IKZF2: variants seen among roughly 807,000 people sequenced by gnomAD.
IKZF2 encodes IKAROS family zinc finger 2.
A neutral mutation model predicts 49.2 loss-of-function variants in IKZF2; 15 were observed. The observed-to-expected ratio is 0.30, with a 90% CI of 0.20 to 0.47. IKZF2 has a LOEUF of 0.47. Among genes scored for constraint, IKZF2 ranks in the 20% least tolerant of loss-of-function variants. IKZF2 has a pLI of 1.00. For synonymous variants in IKZF2, 227 were observed against 221.4 expected (o/e 1.03, Z -0.23); for missense variants, 567 against 664.6 (o/e 0.85, Z 1.61).
In IKZF2 at chr2:213,022,166, C is replaced by T. The variant is rs368536120; in HGVS notation, c.575-36G>A. On this transcript the variant is annotated intron_variant, in intron 6 of 8. Transcript: ENST00000434687. ...AACTCAAGGTCAGTGTGCTGTTAGT[C>T]TCATCAACATTCAAAGCAAAATCAA... 7 of 1,520,380 alleles carry T rather than the reference C, an allele frequency of 4.6e-6. No homozygotes were observed. The African/African-American group carries it at 8.4e-5, about 18-fold the overall frequency. 94.2% of individuals were successfully genotyped at this position (1,520,380 alleles called of 1,614,324 possible).
intron 4 of IKZF2, among the ~76,000 whole-genome samples, chr2:213,141,545 C>T (rs555386497): frequency 7.2e-5 from 11 of 152,072 alleles, no homozygotes; most frequent in Non-Finnish European, 1.2e-4. Flanking sequence ...ATATTGCATG[C>T]TATTTCTCAC....
At chr2:213,032,028 C>A (rs944717519) in intron 6 of IKZF2, among the ~76,000 whole-genome samples, 1 of 152,124 alleles carries the variant, frequency 6.6e-6, no homozygotes. Flanking sequence ...TATAAAGGTG[C>A]AAAAAGTTTT....
At chr2:213,124,246 GCGCGCGCACACACACACACACACACA>G (rs1233108538) in intron 4 of IKZF2, among the ~76,000 whole-genome samples, 2 of 102,484 alleles carry the variant, frequency 2.0e-5, no homozygotes, top group African/African-American at 1.0e-4. Flanking sequence ...GCGCTCGCGC[GCGCGCGCACACACACACACACACACA>G]CACACACACA....
intron 4 of IKZF2, among the ~76,000 whole-genome samples, chr2:213,117,590 T>A (rs2059917251): frequency 6.6e-6 from 1 of 152,174 alleles, no homozygotes; most frequent in Non-Finnish European, 1.5e-5. Flanking sequence ...TAACAATTAC[T>A]CTAGGTCTAC....
intron 3 of IKZF2, among the ~76,000 whole-genome samples, 188 bp from the exon 4 acceptor site, chr2:213,148,000 AT>A (rs1265021073): frequency 2.7e-5 from 4 of 145,558 alleles, no homozygotes; most frequent in Non-Finnish European, 4.7e-5. Context: ...AGAAGCCATA[AT>A]CAACCCACAA....
At chr2:213,025,874 T>C (rs1450556194) in intron 6 of IKZF2, among the ~76,000 whole-genome samples, 2 of 152,186 alleles carry the variant, frequency 1.3e-5, no homozygotes, top group African/African-American at 4.8e-5. Flanking sequence ...TGCTAAATTC[T>C]ATATACTGGA....
intron 6 of IKZF2, among the ~76,000 whole-genome samples, chr2:213,024,979 GTTA>G (rs1022696554): frequency 3.3e-5 from 5 of 151,740 alleles, no homozygotes; most frequent in African/African-American, 1.2e-4. Context: ...TTTTATAATA[GTTA>G]TTATTATTAT....
chr2:213,137,654 A>G lies in IKZF2; in HGVS notation c.139+10054T>C, dbSNP rs192970637. ...TCTACTTCAGACCATCTGAATAATAAGCATATTGGCATAAGTCTGATTAGA... is the reference window on the plus strand; with the variant it reads ...TCTACTTCAGACCATCTGAATAATAGGCATATTGGCATAAGTCTGATTAGA... On this transcript the variant is annotated intron_variant, in intron 4 of 8. Transcript: ENST00000434687. Among the ~76,000 whole-genome samples the G allele has an allele frequency of 2.6e-5, 4 of 152,274 alleles. No homozygotes were observed. The East Asian group carries it at 7.7e-4, about 29-fold the overall frequency.
At position 213,125,688 on chromosome 2, in the gene IKZF2, C is replaced by T. The variant is rs80036622; in HGVS notation, c.139+22020G>A. Among the ~76,000 whole-genome samples the T allele has an allele frequency of 2.2e-4, 33 of 152,228 alleles. 1 individual carries two copies. In the East Asian group the frequency reaches 6.2e-3, roughly 28 times the overall value. On this transcript the variant is annotated intron_variant, in intron 4 of 8. Transcript: ENST00000434687. ...GGTAAATGAATGAACAAGAATATCA[C>T]TGAAACAATGTCTACATAATAACAA...
chr2:213,082,860 C>T (rs1301751028), intron 4 of IKZF2, among the ~76,000 whole-genome samples: 1 of 152,166 alleles, frequency 6.6e-6, no homozygotes, highest in Non-Finnish European at 1.5e-5. Flanking sequence ...AGACATTTCA[C>T]TACTTTTGAC....
At chr2:213,061,478 T>C (rs781211216) in intron 4 of IKZF2, among the ~76,000 whole-genome samples, 2 of 146,446 alleles carry the variant, frequency 1.4e-5, no homozygotes, top group Admixed American at 1.4e-4. Flanking sequence ...TTTGCCACCA[T>C]TGTACTTGAA....
In IKZF2 at chr2:213,018,975, T is replaced by C. The variant is rs57140818; in HGVS notation, c.712+3018A>G. ...CATCCTTATTAGAGCTTTTGTTTCA[T>C]TTTATTTTATTTTTTTAAAGTATGT... On this transcript the variant is annotated intron_variant, in intron 7 of 8. Transcript: ENST00000434687. 1.2e-3 allele frequency among the ~76,000 whole-genome samples: 184 copies of C among 152,052 alleles called. 1 individual carries two copies. Among genetic ancestry groups the C allele is most frequent in the African/African-American group, 3.8e-3 (159 of 41,364 alleles).
At chr2:213,101,654 A>AGTACGAC (rs1295875204) in intron 4 of IKZF2, among the ~76,000 whole-genome samples, 3 of 152,172 alleles carry the variant, frequency 2.0e-5, no homozygotes, top group Non-Finnish European at 4.4e-5. Context: ...CACAAAGGAA[A>AGTACGAC]GTACGACCCT....
rs909013721 is a variant in IKZF2 at position 213,004,315 on chromosome 2, A to G, written c.*3045T>C. On this transcript the variant is annotated 3_prime_UTR_variant, in exon 9 of 9. Coordinates refer to ENST00000434687, the MANE Select transcript of IKZF2 (RefSeq NM_001387220.1). ...TAGGAAATCTCAATGGAATATTTCAATGACTTGAAATTTCTTCCAATCCGC... is the reference window on the plus strand; with the variant it reads ...TAGGAAATCTCAATGGAATATTTCAGTGACTTGAAATTTCTTCCAATCCGC... 15 of 151,838 alleles carry G rather than the reference A, an allele frequency of 9.9e-5. No individual in the cohort carries two copies. The highest frequency in any genetic ancestry group is 3.4e-4 in the African/African-American group (14 of 41,412). The allele number at this position is 151,838 out of a possible 1,614,324, so 9.4% of individuals were successfully genotyped here.
intron 4 of IKZF2, among the ~76,000 whole-genome samples, chr2:213,131,688 T>G (rs2060477893): frequency 6.6e-6 from 1 of 152,074 alleles, no homozygotes; most frequent in Non-Finnish European, 1.5e-5. Context: ...GAGAAAAGAG[T>G]TAAAAGTTGT....
intron 4 of IKZF2, among the ~76,000 whole-genome samples, chr2:213,101,659 G>A (rs553667403): frequency 3.3e-5 from 5 of 152,008 alleles, no homozygotes; most frequent in Non-Finnish European, 7.4e-5. Context: ...AGGAAAGTAC[G>A]ACCCTAACGT....
intron 7 of IKZF2, among the ~76,000 whole-genome samples, chr2:213,020,774 T>G (rs1697123221): frequency 6.6e-6 from 1 of 152,068 alleles, no homozygotes; most frequent in African/African-American, 2.4e-5. Context: ...CCATAGTATA[T>G]ACTCTATAAA....
chr2:213,119,109 A>C (rs2059967616), intron 4 of IKZF2, among the ~76,000 whole-genome samples: 2 of 152,230 alleles, frequency 1.3e-5, no homozygotes, highest in African/African-American at 4.8e-5. Context: ...AAGATTGTGA[A>C]GACACGTATC....
chr2:213,105,433 A>T lies in IKZF2; in HGVS notation c.139+42275T>A, dbSNP rs147327007. Among the ~76,000 whole-genome samples, 462 of 152,186 alleles carry T rather than the reference A, an allele frequency of 3.0e-3. 2 individuals are homozygous for T. The highest frequency in any genetic ancestry group is 0.01 in the African/African-American group (429 of 41,524). On this transcript the variant is annotated intron_variant, in intron 4 of 8. Coordinates refer to ENST00000434687, the MANE Select transcript of IKZF2 (RefSeq NM_001387220.1). ...GAGCAAAGGAAAAACACACATGCAC[A>T]TACAGTGCAGGAATGATGTTCTCAT... is the stretch of plus-strand genomic sequence containing the variant.
Sources: allele counts gnomAD v4.1 joint callset (sites outside exome capture counted in the v4.1 genomes callset), GRCh38; gene constraint gnomAD v4.1.1; transcripts MANE v1.5; gene names NCBI Gene and HGNC (gene_info 2026-07-23, HGNC 2026-07-21).